Variants in TAMM41 observed in about 807,000 individuals in gnomAD.
TAMM41 encodes phosphatidate cytidylyltransferase, mitochondrial.
Under a neutral mutation model 44.1 loss-of-function variants are expected in TAMM41, and 36 were observed. The ratio of observed to expected loss-of-function variants is 0.82; its 90% CI spans 0.63 to 1.08. The LOEUF is 1.08. Ranked by LOEUF, TAMM41 falls within the 50% of genes least tolerant of loss-of-function variation. The pLI, the probability that TAMM41 is intolerant of heterozygous loss-of-function variation, is 0.00. For synonymous variants in TAMM41, 164 were observed against 153.1 expected (o/e 1.07, Z -0.53); for missense variants, 417 against 404.3 (o/e 1.03, Z -0.27).
At chr3:11,724,405 TTTTTTATTTTTA>T in the TAMM41 span, among the ~76,000 whole-genome samples, 26,850 of 139,490 alleles carry the variant, frequency 0.19, 2,583 homozygotes, top group Middle Eastern at 0.36. Flanking sequence ...ACCTGGCCTA[TTTTTTATTTTTA>T]TTTTTATTTT....
At chr3:11,769,494 C>A in the TAMM41 span, among the ~76,000 whole-genome samples, 31 of 152,072 alleles carry the variant, frequency 2.0e-4, no homozygotes, top group East Asian at 5.8e-3. Context: ...TTGTGGACCA[C>A]ACAGTCTTTG....
intron 2 of TAMM41, among the ~76,000 whole-genome samples, chr3:11,841,248 A>G (rs1283008569): frequency 6.6e-6 from 1 of 151,792 alleles, no homozygotes; most frequent in Non-Finnish European, 1.5e-5. Context: ...ACACCTGACT[A>G]ATTTTTGTAT....
the TAMM41 span, among the ~76,000 whole-genome samples, chr3:11,748,138 G>A: frequency 6.6e-6 from 1 of 152,012 alleles, no homozygotes; most frequent in Non-Finnish European, 1.5e-5. Context: ...GCCTCCCAAA[G>A]TGTTGGGATT....
At chr3:11,725,424 T>TCC in the TAMM41 span, among the ~76,000 whole-genome samples, 1 of 71,666 alleles carries the variant, frequency 1.4e-5, no homozygotes, top group South Asian at 5.3e-4. Context: ...CTTCTTCTTC[T>TCC]TTCCTCCTCC....
At chr3:11,762,475 C>T in the TAMM41 span, among the ~76,000 whole-genome samples, 1 of 152,176 alleles carries the variant, frequency 6.6e-6, no homozygotes, top group African/African-American at 2.4e-5. Flanking sequence ...CAACCATTTA[C>T]ATCTTCCCAT....
At chr3:11,726,653 A>T in the TAMM41 span, among the ~76,000 whole-genome samples, 1 of 152,090 alleles carries the variant, frequency 6.6e-6, no homozygotes, top group East Asian at 1.9e-4. Flanking sequence ...AAGTACAAAA[A>T]TTAGCCAGGT....
At chr3:11,829,632 G>C in intron 4 of TAMM41, 82 bp downstream of exon 4, 1 of 1,506,340 alleles carries the variant, frequency 6.6e-7, no homozygotes, top group Admixed American at 1.7e-5. Context: ...AGCAGCTCCA[G>C]GGCCGAGTGA....
chr3:11,740,974 A>G, the TAMM41 span, among the ~76,000 whole-genome samples: 1 of 141,250 alleles, frequency 7.1e-6, no homozygotes, highest in East Asian at 2.2e-4. Flanking sequence ...TAATCCCAGC[A>G]CTTTGGGAGG....
At chr3:11,799,971 C>T (rs535513886) in intron 7 of TAMM41, among the ~76,000 whole-genome samples, 1 of 152,048 alleles carries the variant, frequency 6.6e-6, no homozygotes, top group African/African-American at 2.4e-5. Context: ...ACCCTGTCAC[C>T]CAAGAATTTT....
At chr3:11,828,751 G>A (rs1017403827) in intron 4 of TAMM41, among the ~76,000 whole-genome samples, 1 of 152,186 alleles carries the variant, frequency 6.6e-6, no homozygotes, top group Admixed American at 6.5e-5. Flanking sequence ...CGTAGTCATG[G>A]TAGATGAATT....
At chr3:11,789,206 G>A (rs924663380), downstream of TAMM41, among the ~76,000 whole-genome samples, 1 of 152,164 alleles carries the variant, frequency 6.6e-6, no homozygotes, top group African/African-American at 2.4e-5. Flanking sequence ...CAGTAGTGGC[G>A]ATGAGATATA....
At chr3:11,736,705 T>G in the TAMM41 span, among the ~76,000 whole-genome samples, 1 of 151,212 alleles carries the variant, frequency 6.6e-6, no homozygotes, top group Non-Finnish European at 1.5e-5. Context: ...CCAGTTTATC[T>G]CATTTAATGC....
At chr3:11,778,989 T>C in the TAMM41 span, among the ~76,000 whole-genome samples, 3 of 152,150 alleles carry the variant, frequency 2.0e-5, no homozygotes, top group East Asian at 1.9e-4. Context: ...ATATTGAAAT[T>C]TGATGCCCAA....
chr3:11,799,306 G>C (rs769011440), intron 7 of TAMM41, among the ~76,000 whole-genome samples: 11 of 152,156 alleles, frequency 7.2e-5, no homozygotes, highest in Admixed American at 1.3e-4. Flanking sequence ...TCACAACCTG[G>C]TGAGGCAGGC....
At chr3:11,736,293 A>G in the TAMM41 span, among the ~76,000 whole-genome samples, 6 of 152,182 alleles carry the variant, frequency 3.9e-5, no homozygotes, top group Non-Finnish European at 7.4e-5. Flanking sequence ...AGCAAGTACT[A>G]TCAGAGACCT....
rs1486376719 is a variant in TAMM41 at position 11,846,516 on chromosome 3, T to G, written c.121A>C (p.Ser41Arg). 1 of 1,614,160 alleles carries G rather than the reference T, an allele frequency of 6.2e-7. No homozygotes were observed. The highest frequency in any genetic ancestry group is 8.5e-7 in the Non-Finnish European group (1 of 1,180,020). The change falls in exon 1 of 8, where the codon AGT (serine) becomes CGT (arginine). Residue 41 changes from serine (S) to arginine (R), a missense_variant. Physicochemically the swap from Ser to Arg is moderately radical, Grantham distance 110. Coordinates refer to ENST00000455809, the MANE Select transcript of TAMM41 (RefSeq NM_001284401.2). ...CCCGGGCTCACCTTCTGGTCTGAAC[T>G]CGGCCCTGCCTGGCGGTACACCCCG... ...GSGVYRQAGP[S>R]SDQKNAMLDF...
At chr3:11,838,958 C>T (rs376422999) in intron 3 of TAMM41, among the ~76,000 whole-genome samples, 42 of 152,280 alleles carry the variant, frequency 2.8e-4, no homozygotes, top group African/African-American at 9.9e-4. Context: ...ATAAAAGACC[C>T]TCTCATCCCT....
At chr3:11,806,006 A>G (rs1327351701) in intron 7 of TAMM41, among the ~76,000 whole-genome samples, 1 of 152,202 alleles carries the variant, frequency 6.6e-6, no homozygotes, top group Non-Finnish European at 1.5e-5. Flanking sequence ...ATGGTTCTAT[A>G]AAAGGGAGCT....
At chr3:11,776,254 A>G in the TAMM41 span, among the ~76,000 whole-genome samples, 4 of 151,612 alleles carry the variant, frequency 2.6e-5, no homozygotes, top group East Asian at 5.8e-4. Context: ...TCCTGACCTC[A>G]TGATCCGCCC....
Sources: gnomAD v4.1 joint callset for allele counts (sites outside exome capture counted in the v4.1 genomes callset) on GRCh38, gnomAD v4.1.1 for gene constraint, MANE v1.5 for transcripts, NCBI Gene and HGNC (gene_info 2026-07-23, HGNC 2026-07-21) for gene names.